Variants in ECE1 observed in about 807,000 individuals in gnomAD.
The protein encoded by ECE1 is endothelin converting enzyme 1.
A neutral mutation model predicts 98.6 loss-of-function variants in ECE1; 35 were observed. The ratio of observed to expected loss-of-function variants is 0.35; its 90% CI spans 0.27 to 0.47. ECE1 has a LOEUF of 0.47. ECE1 is among the 20% of genes least tolerant of loss of function. The pLI is 1.00. For synonymous variants in ECE1, 394 were observed against 407.1 expected (o/e 0.97, Z 0.39); for missense variants, 814 against 1,025.3 (o/e 0.79, Z 2.81).
At chr1:21,246,050 A>C (rs1287587859) in intron 9 of ECE1, among the ~76,000 whole-genome samples, 2 of 152,182 alleles carry the variant, frequency 1.3e-5, no homozygotes, top group African/African-American at 4.8e-5. Context: ...GGATTGCCTG[A>C]GACCAGGAGT....
At chr1:21,238,452 C>T (rs1024406233) in intron 10 of ECE1, 1 of 627,086 alleles carries the variant, frequency 1.6e-6, no homozygotes, top group African/African-American at 1.8e-5. Flanking sequence ...GAATGCCAGG[C>T]TCTGTGCTGG....
At chr1:21,289,066 G>C (rs3026852) in intron 2 of ECE1, among the ~76,000 whole-genome samples, 1 of 152,184 alleles carries the variant, frequency 6.6e-6, no homozygotes, top group Non-Finnish European at 1.5e-5. Context: ...GCGTATCTGA[G>C]TGGAGTGGGC....
At chr1:21,251,087 G>A (rs1283915927) in intron 8 of ECE1, among the ~76,000 whole-genome samples, 2 of 152,152 alleles carry the variant, frequency 1.3e-5, no homozygotes, top group East Asian at 3.9e-4. Context: ...CCACTGTGGA[G>A]GTCTAAAACC....
rs1010462241 is a variant in ECE1, at chr1:21,307,753, A to G, written c.4-17597T>C. Among the ~76,000 whole-genome samples the G allele has an allele frequency of 6.6e-6, 1 of 152,128 alleles. No individual in the cohort carries two copies. The highest frequency in any genetic ancestry group is 1.5e-5 in the Non-Finnish European group (1 of 68,012). On this transcript the variant is annotated intron_variant, in intron 1 of 18. Transcript: ENST00000415912. This position sits in a 1 kb window ranked among gnomAD's most constrained non-coding sequence, Gnocchi z 4.2. ...CACGCAGGGCCACTGCTCCTAGGGC[A>G]CTGGGCTCCAGACAGAAAATGGGAA...
intron 1 of ECE1, among the ~76,000 whole-genome samples, chr1:21,302,505 T>C (rs1375319321): frequency 1.3e-5 from 2 of 152,214 alleles, no homozygotes; most frequent in East Asian, 3.8e-4. Flanking sequence ...ATTTGGCACT[T>C]ACTGCATATC....
rs751978418 is a variant in ECE1 at position 21,290,067 on chromosome 1, T to C, written c.138+3A>G. On this transcript the variant is annotated splice_donor_region_variant and intron_variant, in intron 2 of 18. Coordinates refer to ENST00000374893, the MANE Select transcript of ECE1 (RefSeq NM_001397.3). This position sits in a 1 kb window ranked among gnomAD's most constrained non-coding sequence, Gnocchi z 7.3. ...ACCTCGGGAGGGAGCGGAGGGCGCC[T>C]ACCTGCAGGCCGTTGGGGTATGCGT... is the stretch of plus-strand genomic sequence containing the variant. 23 of 1,434,850 alleles carry C rather than the reference T, an allele frequency of 1.6e-5. No individual in the cohort carries two copies. The highest frequency in any genetic ancestry group is 2.6e-5 in the South Asian group (2 of 76,430). 88.9% of individuals were successfully genotyped at this position (1,434,850 alleles called of 1,614,324 possible).
At chr1:21,271,624 G>A (rs2098240323) in intron 4 of ECE1, among the ~76,000 whole-genome samples, 1 of 152,156 alleles carries the variant, frequency 6.6e-6, no homozygotes, top group Non-Finnish European at 1.5e-5. Context: ...GGAGGGTTAA[G>A]GTGGGCAGCT....
rs2098190908 is a variant in ECE1, at chr1:21,238,240, C to T, written c.1283G>A (p.Cys428Tyr). ...CACGCAAAACTTCCAGCGAGGAAGA[C>T]AGGTCTGGAAAACACAAGTCAGGGG... ...MEVMYGTKKT[C>Y]LPRWKFCVSD... The change falls in exon 11 of 19, where the codon TGT (cysteine) becomes TAT (tyrosine). Residue 428 changes from cysteine to tyrosine, a missense_variant. Coordinates refer to ENST00000374893, the MANE Select transcript of ECE1 (RefSeq NM_001397.3). The T allele has an allele frequency of 1.2e-6, 2 of 1,613,844 alleles. No homozygotes were observed. The highest frequency in any genetic ancestry group is 1.3e-5 in the African/African-American group (1 of 74,950).
At chr1:21,238,402 A>C in intron 10 of ECE1, 158 bp from the exon 11 acceptor site, 1 of 685,602 alleles carries the variant, frequency 1.5e-6, no homozygotes. Context: ...CCGGACCAAG[A>C]GGCCACTGAT....
In ECE1 at chr1:21,228,011, G is replaced by A; in HGVS notation, c.1701C>T (p.Ala567=). Residue 567 remains alanine, a synonymous_variant, in exon 15 of 19, where the codon GCC becomes GCT. Transcript: ENST00000374893. The part of the protein sequence containing the change: ...QWSMTPPMVN[A]YYSPTKNEIV... ...TCTCATTCTTGGTGGGCGAGTAGTA[G>A]GCGTTCACCATGGGCGGGGTCATGC... 6.4e-7 allele frequency: 1 copy of A among 1,564,872 alleles called. No homozygotes were observed. The highest frequency in any genetic ancestry group is 8.7e-7 in the Non-Finnish European group (1 of 1,153,874).
rs918584913 is a variant in ECE1, at chr1:21,327,136, A to G, written c.3+18240T>C. 1.3e-5 allele frequency among the ~76,000 whole-genome samples: 2 copies of G among 152,216 alleles called. No individual in the cohort carries two copies. Among genetic ancestry groups the G allele is most frequent in the African/African-American group, 4.8e-5 (2 of 41,458 alleles). ...CTCCCTTGAAGCTGCCAGACTCTGC[A>G]GGCAGCAGGGCATGGGGAGGGACGA... is the stretch of plus-strand genomic sequence containing the variant. On this transcript the variant is annotated intron_variant, in intron 1 of 18. Transcript: ENST00000415912. This position sits in a 1 kb window ranked among gnomAD's most constrained non-coding sequence, Gnocchi z 4.6.
chr1:21,248,414 C>T (rs1234765881), intron 8 of ECE1, among the ~76,000 whole-genome samples: 1 of 152,146 alleles, frequency 6.6e-6, no homozygotes, highest in Admixed American at 6.5e-5. Flanking sequence ...CCTCAAGTGA[C>T]CCGCCTGCCT....
upstream of ECE1, chr1:21,290,581 T>A (rs948296113): frequency 5.0e-6 from 6 of 1,195,884 alleles, no homozygotes; most frequent in African/African-American, 9.5e-5. The surrounding 1 kb of genome is among the most constrained non-coding windows in gnomAD (Gnocchi z 7.3). Flanking sequence ...CCGGGGGAGA[T>A]GGGGACCCCT....
At chr1:21,288,927 A>G (rs2098263472) in intron 2 of ECE1, among the ~76,000 whole-genome samples, 2 of 152,156 alleles carry the variant, frequency 1.3e-5, no homozygotes, top group South Asian at 4.1e-4. Context: ...AAGCAGGGGT[A>G]CCACACATCC....
chr1:21,220,532 T>C lies in ECE1; in HGVS notation c.2137-401A>G, dbSNP rs143508646. 2.0e-5 allele frequency among the ~76,000 whole-genome samples: 3 copies of C among 151,534 alleles called. No individual in the cohort carries two copies. The East Asian group carries it at 5.9e-4, about 30-fold the overall frequency. On this transcript the variant is annotated intron_variant, in intron 18 of 18. Coordinates refer to ENST00000374893, the MANE Select transcript of ECE1 (RefSeq NM_001397.3). The surrounding 1 kb of genome is among the most constrained non-coding windows in gnomAD (Gnocchi z 5.0). ...AAACAAGGTTGGGTGTGGTGGCTCA[T>C]ACCTGTAATCCCAGCACTTTAAGAG...
chr1:21,239,640 C>T (rs971196906), intron 10 of ECE1, among the ~76,000 whole-genome samples: 9 of 152,208 alleles, frequency 5.9e-5, no homozygotes, highest in African/African-American at 2.2e-4. Flanking sequence ...TGTATAATTC[C>T]GTCCACACCC....
At position 21,290,248 on chromosome 1, in the gene ECE1, G is replaced by C; in HGVS notation, c.52-92C>G. The C allele has an allele frequency of 7.3e-7, 1 of 1,372,756 alleles. No individual in the cohort carries two copies. Among genetic ancestry groups the C allele is most frequent in the Non-Finnish European group, 9.5e-7 (1 of 1,056,706 alleles). The allele number at this position is 1,372,756 out of a possible 1,614,324, so 85.0% of individuals were successfully genotyped here. ...CGGCCCCGACCCTGGCGCCGCCGCCGCCGCGCCCCGCCCCGGCCTGGACAC... is the reference window on the plus strand; with the variant it reads ...CGGCCCCGACCCTGGCGCCGCCGCCCCCGCGCCCCGCCCCGGCCTGGACAC... On this transcript the variant is annotated intron_variant, in intron 1 of 18. Transcript: ENST00000374893. The surrounding 1 kb of genome is among the most constrained non-coding windows in gnomAD (Gnocchi z 7.3).
upstream of ECE1, among the ~76,000 whole-genome samples, chr1:21,292,578 C>T (rs1638228191): frequency 6.6e-6 from 1 of 152,220 alleles, no homozygotes; most frequent in Non-Finnish European, 1.5e-5. Context: ...TCATCACTGT[C>T]TCTGTCCCTC....
At position 21,256,275 on chromosome 1, in the gene ECE1, G is replaced by T. The variant is rs530290771; in HGVS notation, c.829-137C>A. On this transcript the variant is annotated intron_variant, in intron 7 of 18. Transcript: ENST00000374893. ...ACAGTGCCCCCAAGACACCCGTGGG[G>T]CCAGGTGTGGTGGCTCACGCCTGTA... 16 of 1,003,568 alleles carry T rather than the reference G, an allele frequency of 1.6e-5. 2 individuals carry two copies. The South Asian group carries it at 2.6e-4, about 16-fold the overall frequency. 62.2% of individuals were successfully genotyped at this position (1,003,568 alleles called of 1,614,324 possible).
Sources: allele counts gnomAD v4.1 joint callset (sites outside exome capture counted in the v4.1 genomes callset), GRCh38; gene constraint gnomAD v4.1.1; non-coding constraint Gnocchi (gnomAD v3.1); transcripts MANE v1.5; gene names NCBI Gene and HGNC (gene_info 2026-07-23, HGNC 2026-07-21).